The following HGSNAT variants were observed in gnomAD, a reference collection of about 807,000 sequenced individuals.
HGSNAT encodes transmembrane protein 76.
In HGSNAT, 59 loss-of-function variants were observed where a neutral mutation model predicts 85.2. That is an observed-to-expected ratio of 0.69 (90% CI 0.56 to 0.86). The LOEUF is 0.86. Ranked by LOEUF, HGSNAT falls within the 40% of genes least tolerant of loss-of-function variation. HGSNAT has a pLI of 0.00. For synonymous variants in HGSNAT, 321 were observed against 304.5 expected (o/e 1.05, Z -0.56); for missense variants, 756 against 777.1 (o/e 0.97, Z 0.32).
At chr8:43,143,081 A>G (rs1251079058) in intron 1 of HGSNAT, among the ~76,000 whole-genome samples, 1 of 152,156 alleles carries the variant, frequency 6.6e-6, no homozygotes, top group Non-Finnish European at 1.5e-5. Context: ...ATGAAAAAGA[A>G]CTATTTTAAA....
chr8:43,152,300 A>G (rs558878249), intron 2 of HGSNAT, among the ~76,000 whole-genome samples: 1 of 152,298 alleles, frequency 6.6e-6, no homozygotes, highest in African/African-American at 2.4e-5. Context: ...CAAGAAAGAA[A>G]AGGGGAAATG....
intron 6 of HGSNAT, among the ~76,000 whole-genome samples, chr8:43,170,013 G>T (rs1803562463): frequency 6.6e-6 from 1 of 151,632 alleles, no homozygotes; most frequent in Non-Finnish European, 1.5e-5. Context: ...TAGAGACAGG[G>T]TTTCACCATG....
intron 5 of HGSNAT, chr8:43,167,924 T>TTTC: frequency 1.4e-5 from 2 of 144,310 alleles, no homozygotes; most frequent in Non-Finnish European, 3.1e-5. Context: ...TCTTTCTTTC[T>TTTC]TTTTTTTTTT....
chr8:43,140,525 CGCT>C lies in HGSNAT; in HGVS notation c.37_39del (p.Leu13del). Reference sequence around the variant, plus strand: ...AGCGGGGCGGGCAGGGCGCTGGCCGCGCTGCTGCTGGCCGCGTCCGTGCTGAGC... The same window carrying C: ...AGCGGGGCGGGCAGGGCGCTGGCCGCGCTGCTGGCCGCGTCCGTGCTGAGC... On this transcript the variant is annotated inframe_deletion, in exon 1 of 18. Coordinates refer to ENST00000379644, the MANE Select transcript of HGSNAT (RefSeq NM_152419.3). 1 of 1,103,962 alleles carries C rather than the reference CGCT, an allele frequency of 9.1e-7. No individual in the cohort carries two copies. Among genetic ancestry groups the C allele is most frequent in the East Asian group, 5.3e-5 (1 of 18,962 alleles). The allele number at this position is 1,103,962 out of a possible 1,614,324, so 68.4% of individuals were successfully genotyped here. A position where few individuals can be genotyped will look rare whatever the true frequency, so the allele number is the denominator to read the frequency against.
At chr8:43,140,671 CGCG>C in intron 1 of HGSNAT, 57 bp downstream of exon 1, 1 of 881,664 alleles carries the variant, frequency 1.1e-6, no homozygotes, top group Non-Finnish European at 1.5e-6. Context: ...GTCTCCTCTC[CGCG>C]GCGCCGCCCC....
chr8:43,155,382 T>C (rs1803058666), intron 2 of HGSNAT, among the ~76,000 whole-genome samples: 1 of 152,258 alleles, frequency 6.6e-6, no homozygotes, highest in South Asian at 2.1e-4. Context: ...ATCTTCTTTT[T>C]TTCCCCTGAT....
At chr8:43,188,896 T>G (rs1054920925) in intron 11 of HGSNAT, among the ~76,000 whole-genome samples, 3 of 152,230 alleles carry the variant, frequency 2.0e-5, no homozygotes, top group African/African-American at 7.2e-5. Context: ...GCAGGTCTGT[T>G]GGAGTTTGCT....
At chr8:43,151,549 ACACT>A (rs1168077117) in intron 2 of HGSNAT, among the ~76,000 whole-genome samples, 2 of 152,348 alleles carry the variant, frequency 1.3e-5, no homozygotes, top group Non-Finnish European at 2.9e-5. Flanking sequence ...GTTTCACAAA[ACACT>A]CATCATATGT....
chr8:43,191,416 T>C, intron 11 of HGSNAT, 58 bp from the exon 12 acceptor site: 1 of 1,590,512 alleles, frequency 6.3e-7, no homozygotes, highest in Non-Finnish European at 8.6e-7. Flanking sequence ...GACATGTGCT[T>C]AGTTCCCTTC....
At chr8:43,187,291 G>T (rs28794522) in intron 11 of HGSNAT, among the ~76,000 whole-genome samples, 113,600 of 151,792 alleles carry the variant, frequency 0.75, 44,995 homozygotes, top group Non-Finnish European at 0.88. Context: ...CTCTTTGTAG[G>T]TCTCTAAGGA....
chr8:43,142,010 C>A (rs766697479), intron 1 of HGSNAT, among the ~76,000 whole-genome samples: 5 of 152,034 alleles, frequency 3.3e-5, no homozygotes, highest in Non-Finnish European at 7.4e-5. Context: ...ATGTTTGGGC[C>A]GCACAGCTTT....
At chr8:43,197,222 T>C (rs1305664232) in intron 15 of HGSNAT, 197 bp downstream of exon 15, 2 of 598,772 alleles carry the variant, frequency 3.3e-6, no homozygotes, top group Admixed American at 5.7e-5. Context: ...AAAATGTCTT[T>C]ATCAATAAGG....
At chr8:43,186,621 T>C (rs1484154473) in intron 11 of HGSNAT, among the ~76,000 whole-genome samples, 1 of 152,214 alleles carries the variant, frequency 6.6e-6, no homozygotes, top group Non-Finnish European at 1.5e-5. Context: ...TTTGAAGGGT[T>C]TTTTGTGTTT....
intron 11 of HGSNAT, among the ~76,000 whole-genome samples, chr8:43,186,207 G>A (rs1439289096): frequency 2.0e-5 from 3 of 152,222 alleles, no homozygotes; most frequent in African/African-American, 7.2e-5. Flanking sequence ...AGTTTCAGAA[G>A]GAATGGTACC....
intron 15 of HGSNAT, 95 bp from the exon 16 acceptor site, chr8:43,197,577 A>G: frequency 1.1e-6 from 1 of 881,232 alleles, no homozygotes; most frequent in East Asian, 2.4e-5. Flanking sequence ...AGCCCTCTCT[A>G]CGTGATTAAA....
At chr8:43,147,994 G>C (rs1169813324) in intron 2 of HGSNAT, among the ~76,000 whole-genome samples, 5 of 152,158 alleles carry the variant, frequency 3.3e-5, no homozygotes, top group Non-Finnish European at 7.4e-5. Context: ...TGTAATCTCA[G>C]CACTTTGGGA....
chr8:43,179,034 A>G, intron 10 of HGSNAT, among the ~76,000 whole-genome samples: 2 of 148,278 alleles, frequency 1.3e-5, no homozygotes, highest in African/African-American at 2.5e-5. Flanking sequence ...CCCGGCAACC[A>G]TCCGATTTCT....
At chr8:43,155,902 C>T (rs902753209) in intron 2 of HGSNAT, among the ~76,000 whole-genome samples, 2 of 151,488 alleles carry the variant, frequency 1.3e-5, no homozygotes, top group Admixed American at 1.3e-4. Flanking sequence ...AGTGCAATGG[C>T]ACATCTCTGC....
chr8:43,181,902 C>G, intron 10 of HGSNAT: 1 of 515,342 alleles, frequency 1.9e-6, no homozygotes, highest in African/African-American at 1.9e-5. Flanking sequence ...GGCCAGCTTC[C>G]TGTTTTGAGT....
Sources: allele counts gnomAD v4.1 joint callset (sites outside exome capture counted in the v4.1 genomes callset), GRCh38; gene constraint gnomAD v4.1.1; transcripts MANE v1.5; gene names NCBI Gene and HGNC (gene_info 2026-07-23, HGNC 2026-07-21).